Variants in PDCD2L observed in about 807,000 individuals in gnomAD.
PDCD2L encodes the protein programmed cell death 2 like, also known as uS5 assembly chaperone PDCD2L.
PDCD2L carries 44 observed loss-of-function variants against 40.4 expected under a neutral mutation model. The observed-to-expected ratio is 1.09, with a 90% CI of 0.86 to 1.40. The LOEUF is 1.40. Ranked by LOEUF, PDCD2L falls within the 40% of genes most tolerant of loss-of-function variation. PDCD2L has a pLI of 0.00. For missense variants in PDCD2L, 470 were observed against 453.7 expected, an observed-to-expected ratio of 1.04 and a Z score of -0.33; for synonymous variants, 194 against 174.6, an observed-to-expected ratio of 1.11 and a Z score of -0.88.
intron 6 of PDCD2L, among the ~76,000 whole-genome samples, chr19:34,423,055 A>G (rs1260824082): frequency 1.3e-5 from 2 of 152,116 alleles, no homozygotes; most frequent in African/African-American, 2.4e-5. Flanking sequence ...TAAGAGGCCC[A>G]AGTTTCTGAA....
chr19:34,426,097 C>G lies in PDCD2L; in HGVS notation c.1054C>G (p.Pro352Ala). The change falls in exon 7 of 7, where the codon CCA becomes GCA. Residue 352 changes from proline to alanine, a missense_variant. Coordinates refer to ENST00000246535, the MANE Select transcript of PDCD2L (RefSeq NM_032346.2). ...AGAATTTTGTATTATACAAGAAGAC[C>G]CAGATGAATTATTGTTTAAGTAGAG... ...MEEFCIIQED[P>A]DELLFK 1 of 1,582,470 alleles carries G rather than the reference C, an allele frequency of 6.3e-7. No individual in the cohort carries two copies. Among genetic ancestry groups the G allele is most frequent in the Non-Finnish European group, 8.7e-7 (1 of 1,152,134 alleles).
In PDCD2L at chr19:34,404,486, G is replaced by C. The variant is rs768215283; in HGVS notation, c.56G>C (p.Gly19Ala). Residue 19 changes from glycine (G) to alanine (A), a missense_variant, in exon 1 of 7, where the codon GGC (glycine) becomes GCC (alanine). By Grantham distance (60) the Gly-to-Ala change is moderately conservative (BLOSUM62 0). Transcript: ENST00000246535. Reference protein sequence around the residue: ...LLGLRDAPVHGSPTGPGAWTA... With the variant: ...LLGLRDAPVHASPTGPGAWTA... ...GGCCTTCGAGATGCGCCGGTGCACG[G>C]CAGCCCCACAGGGCCGGGTGCCTGG... 4.4e-5 allele frequency: 68 copies of C among 1,543,736 alleles called. No homozygotes were observed. The Middle Eastern group carries it at 8.7e-4, about 20-fold the overall frequency.
At chr19:34,415,263 G>C (rs762161360) in intron 5 of PDCD2L, among the ~76,000 whole-genome samples, 1 of 151,852 alleles carries the variant, frequency 6.6e-6, no homozygotes, top group Non-Finnish European at 1.5e-5. Context: ...GGATTACAGC[G>C]CCACCACGCC....
intron 3 of PDCD2L, among the ~76,000 whole-genome samples, chr19:34,405,993 T>G (rs114917173): frequency 8.7e-4 from 133 of 152,024 alleles, no homozygotes; most frequent in African/African-American, 3.1e-3. Flanking sequence ...GTAAACAAAT[T>G]AGCCAGGCAT....
At chr19:34,405,917 CAAAAG>C (rs1386502850) in intron 3 of PDCD2L, among the ~76,000 whole-genome samples, 2 of 149,900 alleles carry the variant, frequency 1.3e-5, no homozygotes, top group Non-Finnish European at 3.0e-5. Context: ...CAAAACAAAA[CAAAAG>C]AAAAAAAAAA....
At chr19:34,409,622 T>A in intron 4 of PDCD2L, 112 bp downstream of exon 4, 1 of 887,704 alleles carries the variant, frequency 1.1e-6, no homozygotes, top group Non-Finnish European at 1.7e-6. Context: ...AGAACTTGTA[T>A]GTAGGACCTT....
At chr19:34,405,342 C>T (rs543995179) in intron 3 of PDCD2L, among the ~76,000 whole-genome samples, 165 of 150,996 alleles carry the variant, frequency 1.1e-3, no homozygotes, top group Middle Eastern at 0.01. Flanking sequence ...GACGGGGTTT[C>T]GCCATGGTGG....
intron 4 of PDCD2L, among the ~76,000 whole-genome samples, chr19:34,410,974 G>A (rs762059629): frequency 2.0e-5 from 3 of 150,982 alleles, no homozygotes; most frequent in Admixed American, 6.6e-5. Flanking sequence ...TAGTAGAGAC[G>A]GGGTTTCACC....
At chr19:34,416,013 T>G (rs891596332) in intron 5 of PDCD2L, among the ~76,000 whole-genome samples, 1 of 152,214 alleles carries the variant, frequency 6.6e-6, no homozygotes, top group African/African-American at 2.4e-5. Context: ...CTCCATTTTC[T>G]GGGTTCAAGC....
rs148314538 is a variant in PDCD2L, at chr19:34,424,813, C to T, written c.947-1177C>T. Among the ~76,000 whole-genome samples, 58 of 146,708 alleles carry T rather than the reference C, an allele frequency of 4.0e-4. No individual in the cohort carries two copies. In the East Asian group the frequency reaches 0.012, roughly 29 times the overall value. ...AGGCTGGAGTGCAGTGGCACAATCT[C>T]TTCTCACTGCAACCTGTGCCTCCCA... On this transcript the variant is annotated intron_variant, in intron 6 of 6. Coordinates refer to ENST00000246535, the MANE Select transcript of PDCD2L (RefSeq NM_032346.2).
chr19:34,406,113 G>C (rs922276388), intron 3 of PDCD2L, among the ~76,000 whole-genome samples: 1 of 152,186 alleles, frequency 6.6e-6, no homozygotes, highest in East Asian at 1.9e-4. Flanking sequence ...CTGCACTCCG[G>C]CCTGGGCCAC....
At chr19:34,423,108 T>A (rs2075160154) in intron 6 of PDCD2L, among the ~76,000 whole-genome samples, 1 of 152,202 alleles carries the variant, frequency 6.6e-6, no homozygotes, top group African/African-American at 2.4e-5. Context: ...CTTTCTGTGT[T>A]TCAGTTTTAG....
At chr19:34,425,889 A>C (rs1204273039) in intron 6 of PDCD2L, 101 bp from the exon 7 acceptor site, 2 of 1,223,460 alleles carry the variant, frequency 1.6e-6, no homozygotes, top group East Asian at 4.7e-5. Flanking sequence ...TTTTTGCTTT[A>C]CCTAATTACT....
chr19:34,405,451 T>C (rs1358621970), intron 3 of PDCD2L, among the ~76,000 whole-genome samples: 2 of 151,548 alleles, frequency 1.3e-5, no homozygotes, highest in Admixed American at 6.6e-5. Context: ...CGGCCTTTCT[T>C]AAGGTTTTGT....
At position 34,409,394 on chromosome 19, in the gene PDCD2L, C is replaced by A; in HGVS notation, c.570C>A (p.Ile190=). ...TGCCGCTCTTCCTGCCCTACTACAT[C>A]TGTGTTGCAGATGAGGATGATTACA... ...PGLPLFLPYY[I]CVADEDDYRD... is the part of the protein sequence containing the mutation. The change falls in exon 4 of 7, where the codon ATC becomes ATA. Residue 190 remains isoleucine (I), a synonymous_variant. Transcript: ENST00000246535. 2.5e-6 allele frequency: 4 copies of A among 1,614,202 alleles called. No individual in the cohort carries two copies. The highest frequency in any genetic ancestry group is 3.4e-6 in the Non-Finnish European group (4 of 1,180,038).
chr19:34,425,642 C>T (rs571314874), intron 6 of PDCD2L, among the ~76,000 whole-genome samples: 2 of 152,236 alleles, frequency 1.3e-5, no homozygotes, highest in African/African-American at 4.8e-5. Context: ...GCAGGGATCA[C>T]AGTTGTGAGC....
chr19:34,423,033 A>C (rs1568361867), intron 6 of PDCD2L, among the ~76,000 whole-genome samples: 1 of 151,996 alleles, frequency 6.6e-6, no homozygotes, highest in Admixed American at 6.6e-5. Flanking sequence ...TTTTGGTAAT[A>C]GGTTCTTTAC....
chr19:34,404,579 G>T, intron 1 of PDCD2L, 41 bp downstream of exon 1: 2 of 1,581,668 alleles, frequency 1.3e-6, no homozygotes, highest in Non-Finnish European at 1.7e-6. Context: ...GGGTGCTGCT[G>T]AAGGGTGCGG....
chr19:34,421,855 C>A (rs2075152979), intron 6 of PDCD2L, 188 bp downstream of exon 6: 2 of 544,236 alleles, frequency 3.7e-6, no homozygotes, highest in Non-Finnish European at 5.9e-6. Context: ...TTTGGGAGGC[C>A]AAGGCGGGTG....
Sources: allele counts gnomAD v4.1 joint callset (sites outside exome capture counted in the v4.1 genomes callset), GRCh38; gene constraint gnomAD v4.1.1; transcripts MANE v1.5; gene names NCBI Gene and HGNC (gene_info 2026-07-23, HGNC 2026-07-21).